The following TRPC4 variants were observed in gnomAD, a reference collection of about 807,000 sequenced individuals.
TRPC4 encodes the protein short transient receptor potential channel 4.
A neutral mutation model predicts 99.4 loss-of-function variants in TRPC4; 49 were observed. That is an observed-to-expected ratio of 0.49 (90% confidence interval 0.39 to 0.63). TRPC4 has a LOEUF of 0.63. Among genes scored for constraint, TRPC4 ranks in the 20% least tolerant of loss-of-function variants. The pLI is 0.00. For synonymous variants in TRPC4, 454 were observed against 425.9 expected (o/e 1.07, Z -0.81); for missense variants, 898 against 1,152.9 (o/e 0.78, Z 3.20).
chr13:37,693,006 T>C (rs967869144), intron 3 of TRPC4, among the ~76,000 whole-genome samples: 1 of 152,152 alleles, frequency 6.6e-6, no homozygotes, highest in Non-Finnish European at 1.5e-5. Flanking sequence ...ACAAAACATT[T>C]CACAGACATG....
chr13:37,841,837 A>C (rs1958737566), intron 1 of TRPC4, among the ~76,000 whole-genome samples: 1 of 152,170 alleles, frequency 6.6e-6, no homozygotes, highest in Non-Finnish European at 1.5e-5. Context: ...AGTTTCTTTA[A>C]AAATGAAGCA....
At chr13:37,738,831 C>T (rs547712504) in intron 3 of TRPC4, among the ~76,000 whole-genome samples, 22 of 152,264 alleles carry the variant, frequency 1.4e-4, no homozygotes, top group African/African-American at 5.1e-4. Flanking sequence ...GCAGAATCCA[C>T]ATAAGACTGT....
chr13:37,703,168 C>T lies in TRPC4; in HGVS notation c.898-10833G>A, dbSNP rs549388385. On this transcript the variant is annotated intron_variant, in intron 3 of 10. Coordinates refer to ENST00000379705, the MANE Select transcript of TRPC4 (RefSeq NM_016179.4). Reference sequence around the variant, plus strand: ...AGAAAAAGTTTGACTAGTATAGTTGCGCTTGGTTTCATCACGTTCCTAAGG... The same window carrying T: ...AGAAAAAGTTTGACTAGTATAGTTGTGCTTGGTTTCATCACGTTCCTAAGG... 1.3e-3 allele frequency among the ~76,000 whole-genome samples: 196 copies of T among 152,182 alleles called. No individual in the cohort carries two copies. The Middle Eastern group carries it at 0.024, about 18-fold the overall frequency.
rs1593693099 is a variant in TRPC4, at chr13:37,766,186, T to G, written c.378+16770A>C. 2.0e-5 allele frequency among the ~76,000 whole-genome samples: 3 copies of G among 151,628 alleles called. No homozygotes were observed. In the South Asian group the frequency reaches 6.2e-4, roughly 31 times the overall value. On this transcript the variant is annotated intron_variant, in intron 2 of 10. Coordinates refer to ENST00000379705, the MANE Select transcript of TRPC4 (RefSeq NM_016179.4). The stretch of plus-strand genomic sequence containing the variant: ...GCTTTCCTGTAATTTTCAAATGGCC[T>G]GAGACTCCTAGAATTGTTGACAATA...
intron 1 of TRPC4, among the ~76,000 whole-genome samples, chr13:37,839,239 C>T (rs547762597): frequency 6.6e-6 from 1 of 152,222 alleles, no homozygotes; most frequent in East Asian, 1.9e-4. Context: ...GCCTGCTTTT[C>T]CTCTGTTCTC....
intron 1 of TRPC4, among the ~76,000 whole-genome samples, chr13:37,836,960 G>C (rs1268851984): frequency 1.3e-5 from 2 of 152,154 alleles, no homozygotes; most frequent in African/African-American, 4.8e-5. Flanking sequence ...TAGGGACTTG[G>C]TGACTTTAGT....
chr13:37,743,456 A>G (rs989444544), intron 3 of TRPC4, among the ~76,000 whole-genome samples: 17 of 152,142 alleles, frequency 1.1e-4, no homozygotes, highest in Non-Finnish European at 1.0e-4. Context: ...TATTTATAAC[A>G]TATACAGAAG....
intron 7 of TRPC4, among the ~76,000 whole-genome samples, chr13:37,652,491 G>T (rs1952080162): frequency 6.6e-6 from 1 of 152,220 alleles, no homozygotes. Flanking sequence ...CCTAGAGAAT[G>T]CATGGCCTTA....
At chr13:37,699,893 G>C (rs544943223) in intron 3 of TRPC4, among the ~76,000 whole-genome samples, 1 of 152,148 alleles carries the variant, frequency 6.6e-6, no homozygotes, top group Non-Finnish European at 1.5e-5. Flanking sequence ...CAACTGATCT[G>C]AGACAATGAG....
intron 1 of TRPC4, among the ~76,000 whole-genome samples, chr13:37,837,184 G>A (rs1391215575): frequency 6.6e-6 from 1 of 152,258 alleles, no homozygotes; most frequent in Non-Finnish European, 1.5e-5. Context: ...CAGGGGCAGG[G>A]CCCTCATAGA....
chr13:37,733,212 G>T (rs1955292120), intron 3 of TRPC4, among the ~76,000 whole-genome samples: 1 of 152,150 alleles, frequency 6.6e-6, no homozygotes, highest in Non-Finnish European at 1.5e-5. Context: ...GACAGAGGTT[G>T]TAATGAACCA....
Position 37,637,379 on chromosome 13 carries a change from C to A in TRPC4, c.2458G>T (p.Gly820Cys). The part of the protein sequence containing the change: ...IASERHNISN[G>C]SALVVQEPPR... ...GGCTCCTGAACCACCAGGGCAGAGC[C>A]ATTGCTTATGTTATGTCTTTCAGAG... Residue 820 changes from glycine to cysteine, a missense_variant, in exon 11 of 11, where the codon GGC (glycine) becomes TGC (cysteine). Transcript: ENST00000379705. 6.2e-7 allele frequency: 1 copy of A among 1,613,608 alleles called. No homozygotes were observed. Among genetic ancestry groups the A allele is most frequent in the Non-Finnish European group, 8.5e-7 (1 of 1,179,870 alleles).
chr13:37,861,053 A>T (rs1959281556), intron 1 of TRPC4, among the ~76,000 whole-genome samples: 1 of 151,570 alleles, frequency 6.6e-6, no homozygotes, highest in South Asian at 2.1e-4. Context: ...CCTTTTATAT[A>T]TCAAAGATGA....
chr13:37,665,156 A>C (rs1384906059), intron 5 of TRPC4, among the ~76,000 whole-genome samples: 1 of 152,196 alleles, frequency 6.6e-6, no homozygotes, highest in Non-Finnish European at 1.5e-5. Context: ...CTCGCTATGT[A>C]TGATGCCACC....
chr13:37,761,003 G>A (rs1460198300), intron 2 of TRPC4, among the ~76,000 whole-genome samples: 1 of 151,874 alleles, frequency 6.6e-6, no homozygotes, highest in Non-Finnish European at 1.5e-5. Context: ...ACTTGAAAAG[G>A]TATATAGGGC....
intron 1 of TRPC4, among the ~76,000 whole-genome samples, chr13:37,853,876 T>C (rs1035522966): frequency 6.6e-6 from 1 of 151,078 alleles, no homozygotes; most frequent in Non-Finnish European, 1.5e-5. Flanking sequence ...AAATACACAG[T>C]CAAAGGAGAC....
intron 2 of TRPC4, among the ~76,000 whole-genome samples, chr13:37,760,093 G>A (rs980181270): frequency 1.3e-5 from 2 of 151,928 alleles, no homozygotes; most frequent in Non-Finnish European, 2.9e-5. Context: ...TTTATATAAA[G>A]ATTCCTTATT....
At chr13:37,668,488 A>G (rs144382733) in intron 5 of TRPC4, among the ~76,000 whole-genome samples, 1,678 of 152,316 alleles carry the variant, frequency 0.011, 23 homozygotes, top group African/African-American at 0.038. Flanking sequence ...GATCATTTTT[A>G]TAAATGTATC....
intron 3 of TRPC4, among the ~76,000 whole-genome samples, chr13:37,716,888 AGT>A (rs985530260): frequency 5.9e-5 from 9 of 152,108 alleles, no homozygotes; most frequent in African/African-American, 2.2e-4. Context: ...GAGTTCTTAA[AGT>A]GTTTTTTTAT....
Sources: allele counts gnomAD v4.1 joint callset (sites outside exome capture counted in the v4.1 genomes callset), GRCh38; gene constraint gnomAD v4.1.1; transcripts MANE v1.5; gene names NCBI Gene and HGNC (gene_info 2026-07-23, HGNC 2026-07-21).